MAN2A1: variants seen among roughly 807,000 people sequenced by gnomAD.
MAN2A1 encodes the protein mannosidase alpha class 2A member 1, also known as alpha-mannosidase 2.
A neutral mutation model predicts 142.6 loss-of-function variants in MAN2A1; 76 were observed. That is an observed-to-expected ratio of 0.53 (90% CI 0.44 to 0.65). MAN2A1 has a LOEUF of 0.65. Among genes scored for constraint, MAN2A1 ranks in the 30% least tolerant of loss-of-function variants. MAN2A1 has a pLI of 0.00. For missense variants in MAN2A1, 1,311 were observed against 1,365.1 expected (o/e 0.96, Z 0.62); for synonymous variants, 559 against 473.2 (o/e 1.18, Z -2.35).
chr5:109,791,603 C>A (rs1459245284), intron 12 of MAN2A1, among the ~76,000 whole-genome samples: 1 of 151,410 alleles, frequency 6.6e-6, no homozygotes, highest in Non-Finnish European at 1.5e-5. Flanking sequence ...CAAATTATCT[C>A]TCTAAATAAA....
intron 4 of MAN2A1, among the ~76,000 whole-genome samples, chr5:109,743,612 G>A (rs1188885829): frequency 6.6e-6 from 1 of 152,130 alleles, no homozygotes; most frequent in Admixed American, 6.5e-5. Context: ...GTGACATCCA[G>A]TTAGTCCCTA....
chr5:109,770,055 CT>C (rs1303502713), intron 6 of MAN2A1, among the ~76,000 whole-genome samples: 1 of 152,192 alleles, frequency 6.6e-6, no homozygotes, highest in Non-Finnish European at 1.5e-5. Context: ...CCAGCTGTAA[CT>C]TTTACGGCTG....
intron 12 of MAN2A1, among the ~76,000 whole-genome samples, chr5:109,811,064 A>C (rs1053094989): frequency 1.4e-4 from 21 of 152,020 alleles, no homozygotes; most frequent in Admixed American, 3.9e-4. Flanking sequence ...TTTGTTACCA[A>C]ATCTGTCAGC....
At chr5:109,848,284 C>G (rs1030920413) in intron 19 of MAN2A1, among the ~76,000 whole-genome samples, 3 of 152,186 alleles carry the variant, frequency 2.0e-5, no homozygotes, top group Admixed American at 2.0e-4. Flanking sequence ...ATCTAGTACT[C>G]TGTGTTGAAT....
chr5:109,802,489 C>G (rs12187123), intron 12 of MAN2A1, among the ~76,000 whole-genome samples: 1 of 151,956 alleles, frequency 6.6e-6, no homozygotes, highest in Non-Finnish European at 1.5e-5. Flanking sequence ...TTGGTTTGGG[C>G]GAATTATGAA....
At chr5:109,737,691 A>G (rs527700260) in intron 4 of MAN2A1, among the ~76,000 whole-genome samples, 6 of 152,226 alleles carry the variant, frequency 3.9e-5, no homozygotes, top group African/African-American at 1.2e-4. Context: ...AGAGTGTAGC[A>G]CTCTAAAACT....
intron 12 of MAN2A1, among the ~76,000 whole-genome samples, chr5:109,800,364 G>A (rs888995985): frequency 2.6e-5 from 4 of 152,108 alleles, no homozygotes; most frequent in Non-Finnish European, 5.9e-5. Flanking sequence ...ACCTCTTGCC[G>A]GTATGGGTTG....
At chr5:109,773,302 C>T (rs935708334) in intron 7 of MAN2A1, among the ~76,000 whole-genome samples, 10 of 152,202 alleles carry the variant, frequency 6.6e-5, no homozygotes, top group South Asian at 4.1e-4. Flanking sequence ...ATGCCATTAA[C>T]GTTTGTGATT....
chr5:109,717,445 A>C (rs978698475), intron 3 of MAN2A1, among the ~76,000 whole-genome samples: 7 of 152,194 alleles, frequency 4.6e-5, no homozygotes, highest in African/African-American at 1.7e-4. Context: ...GTGCACTGAC[A>C]TGTAAAATAT....
At chr5:109,817,654 A>G (rs1009490265) in intron 13 of MAN2A1, among the ~76,000 whole-genome samples, 3 of 152,156 alleles carry the variant, frequency 2.0e-5, no homozygotes, top group African/African-American at 7.2e-5. Flanking sequence ...GTTAGTATAT[A>G]TATTGTATCT....
At chr5:109,820,197 T>C in intron 14 of MAN2A1, 23 bp from the exon 15 acceptor site, 2 of 1,580,354 alleles carry the variant, frequency 1.3e-6, no homozygotes, top group Non-Finnish European at 1.7e-6. Flanking sequence ...GAGTTGCTTA[T>C]TATTATTTTT....
At position 109,868,346 on chromosome 5, in the gene MAN2A1, T is replaced by C. The variant is rs763152278; in HGVS notation, c.*1348T>C. On this transcript the variant is annotated 3_prime_UTR_variant, in exon 22 of 22. Transcript: ENST00000261483. ...CCGTGTGCCATTACAGTGCTTTTAATAAAATTTATTTGGGATTATTGTTTC... is the reference window on the plus strand; with the variant it reads ...CCGTGTGCCATTACAGTGCTTTTAACAAAATTTATTTGGGATTATTGTTTC... 6.6e-6 allele frequency: 1 copy of C among 152,220 alleles called. No individual in the cohort carries two copies. Among genetic ancestry groups the C allele is most frequent in the Non-Finnish European group, 1.5e-5 (1 of 68,028 alleles). The allele number at this position is 152,220 out of a possible 1,614,324, so 9.4% of individuals were successfully genotyped here.
intron 4 of MAN2A1, among the ~76,000 whole-genome samples, chr5:109,750,620 A>G (rs1176243728): frequency 6.6e-6 from 1 of 152,102 alleles, no homozygotes; most frequent in Non-Finnish European, 1.5e-5. Context: ...GATGTCATTT[A>G]TATATGATAT....
intron 10 of MAN2A1, among the ~76,000 whole-genome samples, chr5:109,787,989 A>G (rs1471050078): frequency 6.6e-6 from 1 of 151,850 alleles, no homozygotes; most frequent in Admixed American, 6.6e-5. Flanking sequence ...TCTCTGAAGG[A>G]AATATTAATG....
intron 15 of MAN2A1, among the ~76,000 whole-genome samples, 160 bp downstream of exon 15, chr5:109,820,502 A>T (rs1249586698): frequency 6.6e-6 from 1 of 152,180 alleles, no homozygotes; most frequent in African/African-American, 2.4e-5. Flanking sequence ...ATACTTAGCA[A>T]TTTGTAGTCG....
chr5:109,837,055 A>G (rs1755074917), intron 16 of MAN2A1, among the ~76,000 whole-genome samples: 1 of 147,370 alleles, frequency 6.8e-6, no homozygotes, highest in Non-Finnish European at 1.5e-5. Flanking sequence ...TTATTTATTC[A>G]TTTCCCTGTT....
intron 5 of MAN2A1, among the ~76,000 whole-genome samples, chr5:109,757,696 T>G (rs893749084): frequency 5.3e-5 from 8 of 152,150 alleles, no homozygotes; most frequent in African/African-American, 1.9e-4. Context: ...TCACTCCCCT[T>G]CCTAGCTTCA....
At chr5:109,814,197 A>T (rs558862814) in intron 12 of MAN2A1, among the ~76,000 whole-genome samples, 100 of 152,264 alleles carry the variant, frequency 6.6e-4, no homozygotes, top group African/African-American at 2.4e-3. Flanking sequence ...GAAGATATAA[A>T]CATAATTCTT....
At chr5:109,864,095 C>T (rs1331339333) in intron 20 of MAN2A1, 1 of 152,164 alleles carries the variant, frequency 6.6e-6, no homozygotes, top group Non-Finnish European at 1.5e-5. Context: ...TGAGGATGAT[C>T]AGGCGTTTGG....
Sources: gnomAD v4.1 joint callset for allele counts (sites outside exome capture counted in the v4.1 genomes callset) on GRCh38, gnomAD v4.1.1 for gene constraint, MANE v1.5 for transcripts, NCBI Gene and HGNC (gene_info 2026-07-23, HGNC 2026-07-21) for gene names.